The following XPC variants were observed in gnomAD, a reference collection of about 807,000 sequenced individuals.
XPC encodes the protein XPC complex subunit, DNA damage recognition and repair factor.
In XPC, 76 loss-of-function variants were observed where a neutral mutation model predicts 95.8. That is an observed-to-expected ratio of 0.79 (90% confidence interval 0.66 to 0.96). XPC has a LOEUF of 0.96. Among genes scored for constraint, XPC ranks in the 40% least tolerant of loss-of-function variants. XPC has a pLI of 0.00. For synonymous variants in XPC, 442 were observed against 442.1 expected (o/e 1.00, Z 0.00); for missense variants, 1,146 against 1,179.8 (o/e 0.97, Z 0.42).
At chr3:14,154,258 C>T (rs1351987185) in intron 10 of XPC, among the ~76,000 whole-genome samples, 1 of 152,132 alleles carries the variant, frequency 6.6e-6, no homozygotes, top group Non-Finnish European at 1.5e-5. Flanking sequence ...TGGGAATTAC[C>T]ATCTGGCCTA....
At chr3:14,169,125 A>G (rs931460609) in intron 3 of XPC, among the ~76,000 whole-genome samples, 5 of 152,240 alleles carry the variant, frequency 3.3e-5, no homozygotes, top group African/African-American at 7.2e-5. Flanking sequence ...CAAGAAAAGT[A>G]TAAGCTGAAC....
At position 14,145,877 on chromosome 3, in the gene XPC, G is replaced by A. The variant is rs1270766755; in HGVS notation, c.*64C>T. The stretch of plus-strand genomic sequence containing the variant: ...CCACCAGGGGCTGGGCATGCCCAGG[G>A]CAGGTGTGGGGCCTGTAGTGGGGCA... On this transcript the variant is annotated 3_prime_UTR_variant, in exon 16 of 16. Transcript: ENST00000285021. 10 of 1,555,170 alleles carry A rather than the reference G, an allele frequency of 6.4e-6. No individual in the cohort carries two copies. Among genetic ancestry groups the A allele is most frequent in the Non-Finnish European group, 8.8e-6 (10 of 1,141,290 alleles).
chr3:14,161,362 C>T (rs1212338868), intron 7 of XPC, among the ~76,000 whole-genome samples: 1 of 151,922 alleles, frequency 6.6e-6, no homozygotes, highest in Non-Finnish European at 1.5e-5. Flanking sequence ...GACACCAAAG[C>T]CAGACAAATA....
At chr3:14,152,291 G>A in intron 11 of XPC, 44 bp downstream of exon 11, 1 of 1,558,734 alleles carries the variant, frequency 6.4e-7, no homozygotes, top group Non-Finnish European at 8.8e-7. Flanking sequence ...TCAGCTACAG[G>A]CCTGTGTCAC....
intron 14 of XPC, 86 bp downstream of exon 14, chr3:14,147,822 A>G: frequency 8.0e-7 from 1 of 1,242,600 alleles, no homozygotes; most frequent in Non-Finnish European, 1.1e-6. Flanking sequence ...CTGGGAGCAC[A>G]CGGAGGCGGC....
intron 2 of XPC, 131 bp downstream of exon 2, chr3:14,172,736 T>G (rs1435177341): frequency 3.4e-5 from 36 of 1,061,902 alleles, no homozygotes; most frequent in Non-Finnish European, 4.1e-5. Context: ...CGGTCTGAGT[T>G]GTACCTAGAA....
At chr3:14,177,395 G>C (rs2125051616) in intron 1 of XPC, among the ~76,000 whole-genome samples, 1 of 152,258 alleles carries the variant, frequency 6.6e-6, no homozygotes, top group South Asian at 2.1e-4. Flanking sequence ...GACCACCTTA[G>C]TTTGCTCAAG....
rs113827066 is a variant in XPC, at chr3:14,149,386, C to G, written c.2116-438G>C. 1.7e-3 allele frequency: 285 copies of G among 167,378 alleles called. 2 individuals are homozygous for G. The highest frequency in any genetic ancestry group is 3.1e-3 in the Non-Finnish European group (237 of 77,166). 10.4% of individuals were successfully genotyped at this position (167,378 alleles called of 1,614,324 possible). The stretch of plus-strand genomic sequence containing the variant: ...AGGCGTGAGCCACCGTGCCCGGCTG[C>G]TCCCCTTTTCTTACTACAAGCACTA... On this transcript the variant is annotated intron_variant, in intron 11 of 15. Transcript: ENST00000285021.
intron 13 of XPC, 164 bp from the exon 14 acceptor site, chr3:14,148,165 T>C (rs1695525760): frequency 1.6e-6 from 1 of 630,746 alleles, no homozygotes; most frequent in Non-Finnish European, 2.7e-6. Context: ...AAGGCAGGCC[T>C]GTGGAAGCTG....
At chr3:14,157,636 A>C (rs1695972045) in intron 9 of XPC, among the ~76,000 whole-genome samples, 1 of 152,128 alleles carries the variant, frequency 6.6e-6, no homozygotes, top group Admixed American at 6.5e-5. Flanking sequence ...GTACATCTTT[A>C]CATTCACGCA....
intron 10 of XPC, among the ~76,000 whole-genome samples, chr3:14,154,212 G>C (rs1249673326): frequency 2.0e-5 from 3 of 152,212 alleles, no homozygotes; most frequent in Non-Finnish European, 4.4e-5. Context: ...GGGTGCAGCT[G>C]CGGTGGAAAT....
chr3:14,163,377 T>TA (rs1166010402), intron 7 of XPC, among the ~76,000 whole-genome samples: 2 of 152,120 alleles, frequency 1.3e-5, no homozygotes, highest in African/African-American at 4.8e-5. Flanking sequence ...GATAAATGGA[T>TA]AGAGAAAATG....
At chr3:14,157,538 C>T (rs1393936622) in intron 9 of XPC, among the ~76,000 whole-genome samples, 2 of 152,086 alleles carry the variant, frequency 1.3e-5, no homozygotes, top group Non-Finnish European at 2.9e-5. Flanking sequence ...AAGATACTGT[C>T]TCATTCCGAG....
In XPC at chr3:14,148,415, T is replaced by C. The variant is rs1695536013; in HGVS notation, c.2420+147A>G. On this transcript the variant is annotated intron_variant, in intron 13 of 15. Transcript: ENST00000285021. ...AGGGAAGCCAGAATTGGTAAAGCAC[T>C]GACTTTGCAAATCCAGTGTAACATC... 2.7e-6 allele frequency: 3 copies of C among 1,127,916 alleles called. No homozygotes were observed. The South Asian group carries it at 4.9e-5, about 19-fold the overall frequency. 69.9% of individuals were successfully genotyped at this position (1,127,916 alleles called of 1,614,324 possible).
rs3731067 is a variant in XPC at position 14,172,407 on chromosome 3, G to A, written c.299+460C>T. 7.0e-4 allele frequency among the ~76,000 whole-genome samples: 107 copies of A among 152,294 alleles called. 1 individual carries two copies. The South Asian group carries it at 0.02, about 29-fold the overall frequency. On this transcript the variant is annotated intron_variant, in intron 2 of 15. Coordinates refer to ENST00000285021, the MANE Select transcript of XPC (RefSeq NM_004628.5). ...TCAGATCTGCATCTTCAAGATGGAA[G>A]CCAGCAAGCACTCCAGGTAGAGGGA...
At chr3:14,178,179 C>G (rs1459012608) in intron 1 of XPC, among the ~76,000 whole-genome samples, 1 of 152,264 alleles carries the variant, frequency 6.6e-6, no homozygotes, top group Non-Finnish European at 1.5e-5. Context: ...ACTGCCTTCT[C>G]CGAGTTCAAC....
chr3:14,173,461 C>T (rs895721514), intron 1 of XPC, among the ~76,000 whole-genome samples: 5 of 152,150 alleles, frequency 3.3e-5, no homozygotes, highest in African/African-American at 4.8e-5. Flanking sequence ...ATGTTAAGTA[C>T]ATAAACATGT....
chr3:14,174,448 G>A (rs759403943), intron 1 of XPC, among the ~76,000 whole-genome samples: 6 of 152,166 alleles, frequency 3.9e-5, no homozygotes, highest in Admixed American at 1.3e-4. Context: ...AAAAATGCAC[G>A]TAGGAGGATA....
chr3:14,167,781 G>C (rs1696442389), intron 4 of XPC, among the ~76,000 whole-genome samples: 1 of 152,118 alleles, frequency 6.6e-6, no homozygotes, highest in Non-Finnish European at 1.5e-5. Context: ...CAAGCCATCA[G>C]AGGCTGCAGA....
Sources: allele counts gnomAD v4.1 joint callset (sites outside exome capture counted in the v4.1 genomes callset), GRCh38; gene constraint gnomAD v4.1.1; transcripts MANE v1.5; gene names NCBI Gene and HGNC (gene_info 2026-07-23, HGNC 2026-07-21).